TBC1D19: variants seen among roughly 807,000 people sequenced by gnomAD.
The protein encoded by TBC1D19 is TBC1 domain family member 19, also known as TBC1 domain family, member 19.
Under a neutral mutation model 89.0 loss-of-function variants are expected in TBC1D19, and 60 were observed. That is an observed-to-expected ratio of 0.67 (90% CI 0.55 to 0.84). The LOEUF is 0.84. Among genes scored for constraint, TBC1D19 ranks in the 40% least tolerant of loss-of-function variants. TBC1D19 has a pLI of 0.00. For missense variants in TBC1D19, 500 were observed against 610.8 expected (o/e 0.82, Z 1.91); for synonymous variants, 189 against 199.7 (o/e 0.95, Z 0.45).
At chr4:26,819,127 C>G in the TBC1D19 span, among the ~76,000 whole-genome samples, 2 of 152,224 alleles carry the variant, frequency 1.3e-5, no homozygotes, top group Non-Finnish European at 2.9e-5. Context: ...AAGAAATCCC[C>G]AGCGACTAAC....
intron 18 of TBC1D19, among the ~76,000 whole-genome samples, chr4:26,743,609 C>A (rs769850116): frequency 9.9e-5 from 15 of 151,930 alleles, no homozygotes; most frequent in Non-Finnish European, 1.5e-4. Context: ...TATATAATCT[C>A]CTTTTTATAA....
the TBC1D19 span, among the ~76,000 whole-genome samples, chr4:26,808,727 CAAAAAAA>C: frequency 6.0e-4 from 57 of 95,078 alleles, no homozygotes; most frequent in East Asian, 0.017. Context: ...GACTCTGTCT[CAAAAAAA>C]AAAAAAAAAA....
chr4:26,763,475 C>T, the TBC1D19 span, among the ~76,000 whole-genome samples: 3 of 152,246 alleles, frequency 2.0e-5, no homozygotes, highest in Non-Finnish European at 4.4e-5. Context: ...CAACCGTCAA[C>T]TAGGAAATGT....
chr4:26,727,852 C>T (rs2109287814), intron 15 of TBC1D19, among the ~76,000 whole-genome samples: 1 of 152,292 alleles, frequency 6.6e-6, no homozygotes, highest in Non-Finnish European at 1.5e-5. Flanking sequence ...CCATCATTAA[C>T]ATTTACTGGG....
intron 1 of TBC1D19, among the ~76,000 whole-genome samples, chr4:26,611,351 TAC>T (rs1210337050): frequency 1.3e-5 from 2 of 152,132 alleles, no homozygotes; most frequent in Non-Finnish European, 2.9e-5. Context: ...TCTTTTTCCT[TAC>T]AGTTTATCAG....
At chr4:26,668,561 A>T (rs933098721) in intron 9 of TBC1D19, among the ~76,000 whole-genome samples, 5 of 152,014 alleles carry the variant, frequency 3.3e-5, no homozygotes, top group Non-Finnish European at 7.4e-5. Context: ...ATTACATTTA[A>T]AGGGCAGTTG....
intron 8 of TBC1D19, among the ~76,000 whole-genome samples, chr4:26,662,693 G>T (rs1394724215): frequency 6.6e-6 from 1 of 152,126 alleles, no homozygotes; most frequent in Non-Finnish European, 1.5e-5. Flanking sequence ...AATCAGTGTG[G>T]CATCTTACTC....
At chr4:26,722,941 A>G (rs1037264698) in intron 15 of TBC1D19, among the ~76,000 whole-genome samples, 7 of 152,198 alleles carry the variant, frequency 4.6e-5, no homozygotes, top group Non-Finnish European at 1.0e-4. Context: ...TTCAGAAGCA[A>G]CATTCTTATC....
chr4:26,577,455 C>A (rs1195975258), intron 1 of TBC1D19, among the ~76,000 whole-genome samples: 1 of 152,164 alleles, frequency 6.6e-6, no homozygotes. Context: ...GTTGCAAGAA[C>A]CCAGCCAAAC....
chr4:26,624,415 C>A (rs1742257749), intron 4 of TBC1D19, among the ~76,000 whole-genome samples: 2 of 151,856 alleles, frequency 1.3e-5, no homozygotes, highest in Admixed American at 1.3e-4. Flanking sequence ...CTTGCTTTAT[C>A]ACCCAGGCTG....
the TBC1D19 span, among the ~76,000 whole-genome samples, chr4:26,824,855 T>TTA: frequency 6.6e-6 from 1 of 152,158 alleles, no homozygotes; most frequent in East Asian, 1.9e-4. Context: ...GCAAACATGT[T>TTA]TATGCATTCC....
the TBC1D19 span, among the ~76,000 whole-genome samples, chr4:26,832,590 A>G: frequency 2.0e-5 from 3 of 152,206 alleles, no homozygotes; most frequent in Non-Finnish European, 4.4e-5. Flanking sequence ...TCATATGTGT[A>G]CAATAACATC....
chr4:26,629,735 C>CA (rs1742680018), intron 4 of TBC1D19, among the ~76,000 whole-genome samples: 1 of 151,802 alleles, frequency 6.6e-6, no homozygotes, highest in Admixed American at 6.6e-5. Flanking sequence ...ACATAGGCAT[C>CA]AAAAATGTCC....
chr4:26,619,227 C>T (rs260956), intron 3 of TBC1D19, among the ~76,000 whole-genome samples: 55,934 of 146,228 alleles, frequency 0.38, 11,531 homozygotes, highest in Non-Finnish European at 0.47. Flanking sequence ...TTTTTTGAGA[C>T]GGAATCTTGC....
At chr4:26,743,813 G>T (rs745540995) in intron 18 of TBC1D19, among the ~76,000 whole-genome samples, 1 of 151,560 alleles carries the variant, frequency 6.6e-6, no homozygotes, top group Non-Finnish European at 1.5e-5. Context: ...TTTTGCTATT[G>T]TGAAATGAAC....
chr4:26,595,151 A>T (rs995891437), intron 1 of TBC1D19, among the ~76,000 whole-genome samples: 2 of 152,168 alleles, frequency 1.3e-5, no homozygotes, highest in Non-Finnish European at 2.9e-5. Flanking sequence ...GTGTTGTGAT[A>T]TCTTATTATT....
intron 1 of TBC1D19, among the ~76,000 whole-genome samples, chr4:26,594,745 T>C (rs1267220357): frequency 2.0e-5 from 3 of 152,208 alleles, no homozygotes; most frequent in Non-Finnish European, 1.5e-5. Flanking sequence ...TCTTTGGATG[T>C]TAATCCGACT....
chr4:26,817,195 A>G, the TBC1D19 span, among the ~76,000 whole-genome samples: 14 of 152,338 alleles, frequency 9.2e-5, no homozygotes, highest in African/African-American at 3.1e-4. Context: ...AATTAAACTC[A>G]TACCCACATG....
intron 17 of TBC1D19, among the ~76,000 whole-genome samples, chr4:26,741,152 C>G (rs546624268): frequency 6.6e-6 from 1 of 151,850 alleles, no homozygotes; most frequent in Admixed American, 6.6e-5. Flanking sequence ...GTCAGGAGAT[C>G]GAGACCATCC....
Sources: gnomAD v4.1 joint callset for allele counts (sites outside exome capture counted in the v4.1 genomes callset) on GRCh38, gnomAD v4.1.1 for gene constraint, MANE v1.5 for transcripts, NCBI Gene and HGNC (gene_info 2026-07-23, HGNC 2026-07-21) for gene names.